The following CDC42BPB variants were observed in gnomAD, a reference collection of about 807,000 sequenced individuals.
The protein encoded by CDC42BPB is CDC42 binding protein kinase beta.
In CDC42BPB, 37 loss-of-function variants were observed where a neutral mutation model predicts 214.9. That is an observed-to-expected ratio of 0.17 (90% CI 0.13 to 0.23). The LOEUF is 0.23. CDC42BPB is among the 10% of genes least tolerant of loss of function. CDC42BPB has a pLI of 1.00. For synonymous variants in CDC42BPB, 931 were observed against 884.0 expected, an observed-to-expected ratio of 1.05 and a Z score of -0.94; for missense variants, 1,694 against 2,227.0, an observed-to-expected ratio of 0.76 and a Z score of 4.82.
chr14:102,961,706 G>A (rs1355622839), intron 20 of CDC42BPB, among the ~76,000 whole-genome samples: 1 of 152,082 alleles, frequency 6.6e-6, no homozygotes, highest in Non-Finnish European at 1.5e-5. Context: ...ACCACGCCCA[G>A]CTAATTTTGT....
chr14:102,950,011 G>A lies in CDC42BPB; in HGVS notation c.3310-107C>T, dbSNP rs1425446417. Reference sequence around the variant, plus strand: ...TTCCAGCTGCCAGGCTGGCGGCAGAGCTGTTTGGACAGAGGGATGTTTGCC... The same window carrying A: ...TTCCAGCTGCCAGGCTGGCGGCAGAACTGTTTGGACAGAGGGATGTTTGCC... On this transcript the variant is annotated intron_variant, in intron 25 of 36. Transcript: ENST00000361246. 5 of 1,547,196 alleles carry A rather than the reference G, an allele frequency of 3.2e-6. No homozygotes were observed. The African/African-American group carries it at 6.8e-5, about 21-fold the overall frequency.
At chr14:102,959,535 T>C in intron 21 of CDC42BPB, 96 bp downstream of exon 21, 1 of 775,024 alleles carries the variant, frequency 1.3e-6, no homozygotes, top group Non-Finnish European at 2.1e-6. Context: ...TATTTACTGG[T>C]GTGTTTGTGG....
chr14:102,965,273 C>A (rs1214251685), intron 18 of CDC42BPB, among the ~76,000 whole-genome samples: 1 of 151,922 alleles, frequency 6.6e-6, no homozygotes, highest in Non-Finnish European at 1.5e-5. Flanking sequence ...GACCCTGGAC[C>A]CTTTTACAAA....
chr14:103,037,501 T>C (rs1887731206), intron 1 of CDC42BPB, among the ~76,000 whole-genome samples: 1 of 152,150 alleles, frequency 6.6e-6, no homozygotes, highest in Non-Finnish European at 1.5e-5. Flanking sequence ...GCTATGTCGC[T>C]CAGGCTTATT....
At chr14:102,957,510 G>A (rs1442687479) in intron 21 of CDC42BPB, among the ~76,000 whole-genome samples, 1 of 152,202 alleles carries the variant, frequency 6.6e-6, no homozygotes, top group Non-Finnish European at 1.5e-5. Flanking sequence ...GCAGCAACGA[G>A]AGAGGCAATG....
chr14:102,976,720 C>T (rs1447219942), intron 9 of CDC42BPB, among the ~76,000 whole-genome samples: 1 of 152,260 alleles, frequency 6.6e-6, no homozygotes, highest in Non-Finnish European at 1.5e-5. Flanking sequence ...ACCCAGCCCC[C>T]TTTAGAGAAG....
At chr14:102,979,750 C>T (rs954607184) in intron 8 of CDC42BPB, among the ~76,000 whole-genome samples, 3 of 152,114 alleles carry the variant, frequency 2.0e-5, no homozygotes, top group Admixed American at 1.3e-4. Context: ...TATCCCCAAA[C>T]GAAGTCACAC....
intron 1 of CDC42BPB, among the ~76,000 whole-genome samples, chr14:103,016,685 G>A (rs1037925245): frequency 2.6e-5 from 4 of 152,144 alleles, no homozygotes; most frequent in African/African-American, 9.7e-5. Flanking sequence ...GGAAGAAAAC[G>A]AGAATAAACC....
At position 102,932,882 on chromosome 14, in the gene CDC42BPB, G is replaced by GGGC. The variant is rs1891452238; in HGVS notation, c.*829_*830insGCC. On this transcript the variant is annotated 3_prime_UTR_variant, in exon 37 of 37. Coordinates refer to ENST00000361246, the MANE Select transcript of CDC42BPB (RefSeq NM_006035.4). ...ATGCGGGGGCAGGACTGGTGGGGGG[G>GGGC]GGGGCGGGCAGGGCGGGGCGGGGTG... 1 of 129,570 alleles carries GGGC rather than the reference G, an allele frequency of 7.7e-6. No homozygotes were observed. Among genetic ancestry groups the GGGC allele is most frequent in the African/African-American group, 3.0e-5 (1 of 33,758 alleles). The allele number at this position is 129,570 out of a possible 1,614,324, so 8.0% of individuals were successfully genotyped here.
chr14:102,965,181 C>G (rs1033924883), intron 18 of CDC42BPB, among the ~76,000 whole-genome samples: 7 of 152,010 alleles, frequency 4.6e-5, no homozygotes, highest in Admixed American at 1.3e-4. Flanking sequence ...ATCCACCCCC[C>G]TTGGCCTCCC....
intron 1 of CDC42BPB, among the ~76,000 whole-genome samples, chr14:103,035,869 G>A (rs1037794959): frequency 2.6e-5 from 4 of 151,530 alleles, no homozygotes; most frequent in African/African-American, 9.7e-5. Context: ...AAAAAATAAG[G>A]CCGGGCACAG....
intron 1 of CDC42BPB, among the ~76,000 whole-genome samples, chr14:103,047,881 C>A (rs1389579661): frequency 6.0e-5 from 8 of 133,156 alleles, no homozygotes; most frequent in African/African-American, 1.2e-4. Context: ...CCAGCCTGGG[C>A]AACAGAGCAA....
At position 102,944,093 on chromosome 14, in the gene CDC42BPB, G is replaced by A. The variant is rs146207239; in HGVS notation, c.4206C>T (p.Asp1402=). ...SGFCLLSIQG[D]GQPLNLVNPN... is the part of the protein sequence containing the mutation. ...GATTTACCAGGTTTAGAGGCTGCCCGTCCCCCTGGATGCTCAGCAGGCAGA... is the reference window on the plus strand; with the variant it reads ...GATTTACCAGGTTTAGAGGCTGCCCATCCCCCTGGATGCTCAGCAGGCAGA... The change falls in exon 30 of 37, where the codon GAC becomes GAT. Residue 1402 remains aspartate (D), a synonymous_variant. Coordinates refer to ENST00000361246, the MANE Select transcript of CDC42BPB (RefSeq NM_006035.4). The surrounding 1 kb of genome is among the most constrained non-coding windows in gnomAD (Gnocchi z 6.6). 52 of 1,613,300 alleles carry A rather than the reference G, an allele frequency of 3.2e-5. No individual in the cohort carries two copies. The highest frequency in any genetic ancestry group is 1.6e-4 in the Middle Eastern group (1 of 6,084).
chr14:102,974,595 G>C (rs775999644), intron 11 of CDC42BPB, among the ~76,000 whole-genome samples: 1 of 152,214 alleles, frequency 6.6e-6, no homozygotes, highest in Non-Finnish European at 1.5e-5. Flanking sequence ...GAGAAGGTGA[G>C]ATTCAAAGTG....
intron 30 of CDC42BPB, among the ~76,000 whole-genome samples, chr14:102,941,820 G>A (rs1757929192): frequency 6.6e-6 from 1 of 152,186 alleles, no homozygotes. Flanking sequence ...CTAAGGGATG[G>A]GGAGGGGCAG....
At chr14:103,017,159 A>G (rs1886510886) in intron 1 of CDC42BPB, among the ~76,000 whole-genome samples, 1 of 152,130 alleles carries the variant, frequency 6.6e-6, no homozygotes, top group African/African-American at 2.4e-5. Flanking sequence ...CTATCTCTAC[A>G]AAAAATAAAA....
intron 1 of CDC42BPB, among the ~76,000 whole-genome samples, chr14:103,047,241 G>A (rs530264305): frequency 5.5e-4 from 77 of 140,768 alleles, no homozygotes; most frequent in African/African-American, 2.0e-3. Flanking sequence ...CTCAGATCAC[G>A]CCACTGCACT....
chr14:103,019,047 G>C (rs1021340937), intron 1 of CDC42BPB, among the ~76,000 whole-genome samples: 1 of 152,168 alleles, frequency 6.6e-6, no homozygotes, highest in South Asian at 2.1e-4. Flanking sequence ...AGGCTCAGGG[G>C]ATCTTCCCAC....
intron 27 of CDC42BPB, 117 bp downstream of exon 27, chr14:102,947,604 T>C (rs8007924): frequency 0.96 from 855,126 of 889,712 alleles, 412,626 homozygotes; most frequent in Middle Eastern, 1. Flanking sequence ...AGGCTGGAGG[T>C]TGAGACCCTA....
Sources: allele counts gnomAD v4.1 joint callset (sites outside exome capture counted in the v4.1 genomes callset), GRCh38; gene constraint gnomAD v4.1.1; non-coding constraint Gnocchi (gnomAD v3.1); transcripts MANE v1.5; gene names NCBI Gene and HGNC (gene_info 2026-07-23, HGNC 2026-07-21).